ADGRF4: variants seen among roughly 807,000 people sequenced by gnomAD.
ADGRF4 encodes adhesion G protein-coupled receptor F4, also known as G-protein coupled receptor PGR18.
In ADGRF4, 63 loss-of-function variants were observed where a neutral mutation model predicts 58.5. The observed-to-expected ratio is 1.08, with a 90% confidence interval of 0.88 to 1.33. The LOEUF (loss-of-function observed/expected upper bound fraction) is 1.33, where lower values mean the gene tolerates loss of function less well. Ranked by LOEUF, ADGRF4 falls within the 40% of genes most tolerant of loss-of-function variation. The pLI is 0.00. For missense variants in ADGRF4, 931 were observed against 843.9 expected, an observed-to-expected ratio of 1.10 and a Z score of -1.28; for synonymous variants, 313 against 295.4, an observed-to-expected ratio of 1.06 and a Z score of -0.61.
chr6:47,704,458 T>G (rs1771659734), intron 1 of ADGRF4, among the ~76,000 whole-genome samples: 1 of 152,190 alleles, frequency 6.6e-6, no homozygotes, highest in Non-Finnish European at 1.5e-5. Context: ...TATTATTTGG[T>G]CCTGAGAATA....
chr6:47,717,325 C>T lies in ADGRF4; in HGVS notation c.2008C>T (p.Leu670=), dbSNP rs774411257. 9 of 1,612,258 alleles carry T rather than the reference C, an allele frequency of 5.6e-6. No individual in the cohort carries two copies. The Admixed American group carries it at 1.5e-4, about 27-fold the overall frequency. The change falls in exon 8 of 10, where the codon CTG becomes TTG. Residue 670 remains leucine, a synonymous_variant. Coordinates refer to ENST00000283303, the MANE Select transcript of ADGRF4 (RefSeq NM_153838.5). Reference sequence around the variant, plus strand: ...TGCTTTGAGGATGAGGATGTCTTCACTGAAGGGGAAATCGAGGGCAGCTGA... The same window carrying T: ...TGCTTTGAGGATGAGGATGTCTTCATTGAAGGGGAAATCGAGGGCAGCTGA... The part of the protein sequence containing the change: ...RDALRMRMSS[L]KGKSRAAENA...
intron 1 of ADGRF4, among the ~76,000 whole-genome samples, chr6:47,706,630 C>T (rs1771716931): frequency 1.3e-5 from 2 of 152,156 alleles, no homozygotes; most frequent in African/African-American, 2.4e-5. Flanking sequence ...CACAGGACAG[C>T]CCCCAACAGC....
intron 1 of ADGRF4, 48 bp from the exon 2 acceptor site, chr6:47,707,182 C>T (rs1005962563): frequency 5.1e-5 from 51 of 996,104 alleles, no homozygotes; most frequent in Middle Eastern, 4.1e-4. Flanking sequence ...TTGTTAGTTG[C>T]GTGAAGTTGT....
chr6:47,707,125 C>G, intron 1 of ADGRF4, 105 bp from the exon 2 acceptor site: 1 of 706,472 alleles, frequency 1.4e-6, no homozygotes, highest in Non-Finnish European at 2.6e-6. Flanking sequence ...ATGACTATCT[C>G]AGAGTATCTA....
chr6:47,703,731 C>T (rs972535363), intron 1 of ADGRF4, among the ~76,000 whole-genome samples: 2 of 152,138 alleles, frequency 1.3e-5, no homozygotes, highest in African/African-American at 4.8e-5. Flanking sequence ...TTTCATATTA[C>T]ATATATATTT....
chr6:47,708,042 T>A (rs532990290), intron 2 of ADGRF4, among the ~76,000 whole-genome samples, 182 bp from the exon 3 acceptor site: 6 of 152,294 alleles, frequency 3.9e-5, no homozygotes, highest in Admixed American at 2.6e-4. Flanking sequence ...GCGTGCATTC[T>A]CCCTGTGCTC....
intron 3 of ADGRF4, among the ~76,000 whole-genome samples, chr6:47,708,838 T>C (rs1009117473): frequency 1.3e-5 from 2 of 152,188 alleles, no homozygotes; most frequent in Middle Eastern, 3.2e-3. Flanking sequence ...AAATACATTC[T>C]TATATAGATG....
chr6:47,706,623 A>T (rs11965156), intron 1 of ADGRF4, among the ~76,000 whole-genome samples: 1 of 152,052 alleles, frequency 6.6e-6, no homozygotes, highest in Admixed American at 6.6e-5. Context: ...TACAATTCAC[A>T]GGACAGCCCC....
In ADGRF4 at chr6:47,707,336, A is replaced by G; in HGVS notation, c.91A>G (p.Lys31Glu). The change falls in exon 2 of 10, where the codon AAA becomes GAA. Residue 31 changes from lysine to glutamate, a missense_variant and splice_region_variant. Coordinates refer to ENST00000283303, the MANE Select transcript of ADGRF4 (RefSeq NM_153838.5). ...CSHYRSKIHL[K>E]AGDKLQSPEG... Reference sequence around the variant, plus strand: ...CCACTATAGATCCAAGATTCACCTAAAAGTAAGTTTGATCTATTCCTATGT... The same window carrying G: ...CCACTATAGATCCAAGATTCACCTAGAAGTAAGTTTGATCTATTCCTATGT... 1.3e-6 allele frequency: 2 copies of G among 1,591,134 alleles called. No homozygotes were observed. Among genetic ancestry groups the G allele is most frequent in the Non-Finnish European group, 1.7e-6 (2 of 1,159,002 alleles).
Position 47,714,227 on chromosome 6 carries a change from A to T in ADGRF4, c.982A>T (p.Arg328Trp). 1 of 1,614,156 alleles carries T rather than the reference A, an allele frequency of 6.2e-7. No homozygotes were observed. Among genetic ancestry groups the T allele is most frequent in the South Asian group, 1.1e-5 (1 of 91,078 alleles). The change falls in exon 6 of 10, where the codon AGG becomes TGG. Residue 328 changes from arginine (R) to tryptophan (W), a missense_variant. Physicochemically the swap from Arg to Trp is moderately radical, Grantham distance 101. Coordinates refer to ENST00000283303, the MANE Select transcript of ADGRF4 (RefSeq NM_153838.5). ...GLVLSVVLPERLQEIILTFEK... is the reference protein window; with the variant it reads ...GLVLSVVLPEWLQEIILTFEK... Reference sequence around the variant, plus strand: ...GGTGCTATCAGTGGTTTTACCAGAAAGGTTGCAAGAAATCATACTCACCTT... The same window carrying T: ...GGTGCTATCAGTGGTTTTACCAGAATGGTTGCAAGAAATCATACTCACCTT...
chr6:47,707,463 T>A (rs890394139), intron 2 of ADGRF4, 125 bp downstream of exon 2: 3 of 673,730 alleles, frequency 4.5e-6, no homozygotes, highest in Admixed American at 2.3e-5. Context: ...TTACTCTTGC[T>A]GATAGTAACT....
At chr6:47,718,900 T>A (rs900835038) in intron 9 of ADGRF4, among the ~76,000 whole-genome samples, 1 of 152,104 alleles carries the variant, frequency 6.6e-6, no homozygotes, top group African/African-American at 2.4e-5. Context: ...GAGACATATT[T>A]CTACACAGGT....
Position 47,713,874 on chromosome 6 carries a change from C to G in ADGRF4, c.629C>G (p.Ala210Gly). ...TGGGCTTTCATTCCCAACAAAAATG[C>G]CAGCTCGGATTTGTTGCAGTCAGTG... ...SNWAFIPNKN[A>G]SSDLLQSVNL... The change falls in exon 6 of 10, where the codon GCC becomes GGC. Residue 210 changes from alanine to glycine, a missense_variant. Transcript: ENST00000283303. The G allele has an allele frequency of 6.2e-7, 1 of 1,602,768 alleles. No individual in the cohort carries two copies. The highest frequency in any genetic ancestry group is 8.5e-7 in the Non-Finnish European group (1 of 1,175,382).
chr6:47,713,715 T>C (rs1458645056), intron 5 of ADGRF4, 83 bp from the exon 6 acceptor site: 1 of 1,137,352 alleles, frequency 8.8e-7, no homozygotes, highest in Admixed American at 2.7e-5. Context: ...TAACCTGATC[T>C]TTAGAAATTT....
At chr6:47,720,450 G>A (rs1167840674) in intron 9 of ADGRF4, among the ~76,000 whole-genome samples, 1 of 152,174 alleles carries the variant, frequency 6.6e-6, no homozygotes, top group Admixed American at 6.5e-5. Flanking sequence ...TCCAGTGTTG[G>A]GGGACACTCC....
At chr6:47,713,224 G>A (rs540778310) in intron 5 of ADGRF4, among the ~76,000 whole-genome samples, 6 of 152,090 alleles carry the variant, frequency 3.9e-5, no homozygotes, top group East Asian at 3.9e-4. Context: ...GCTAGTACCC[G>A]GTGCCAAAAA....
chr6:47,719,511 G>A (rs934508181), intron 9 of ADGRF4, among the ~76,000 whole-genome samples: 2 of 152,086 alleles, frequency 1.3e-5, no homozygotes, highest in Non-Finnish European at 2.9e-5. Flanking sequence ...ATGAAACATC[G>A]CTATAACGTT....
intron 3 of ADGRF4, 124 bp from the exon 4 acceptor site, chr6:47,710,611 C>A: frequency 1.1e-6 from 1 of 893,992 alleles, no homozygotes; most frequent in Non-Finnish European, 1.7e-6. Context: ...GGACCCAGTT[C>A]AACCCAATTG....
In ADGRF4 at chr6:47,714,436, C is replaced by A; in HGVS notation, c.1191C>A (p.Thr397=). The change falls in exon 6 of 10, where the codon ACC becomes ACA. Residue 397 remains threonine, a synonymous_variant. Coordinates refer to ENST00000283303, the MANE Select transcript of ADGRF4 (RefSeq NM_153838.5). ...FSILMSSKSM[T]DKVLDYITCI... is the part of the protein sequence containing the mutation. ...TTCTCATGTCCTCCAAATCGATGACCGACAAAGTTCTGGACTACATCACCT... is the reference window on the plus strand; with the variant it reads ...TTCTCATGTCCTCCAAATCGATGACAGACAAAGTTCTGGACTACATCACCT... 4 of 1,614,100 alleles carry A rather than the reference C, an allele frequency of 2.5e-6. No individual in the cohort carries two copies. Among genetic ancestry groups the A allele is most frequent in the Non-Finnish European group, 3.4e-6 (4 of 1,180,016 alleles).
Sources: allele counts gnomAD v4.1 joint callset (sites outside exome capture counted in the v4.1 genomes callset), GRCh38; gene constraint gnomAD v4.1.1; transcripts MANE v1.5; gene names NCBI Gene and HGNC (gene_info 2026-07-23, HGNC 2026-07-21).